EFNA5: variants seen among roughly 807,000 people sequenced by gnomAD.
EFNA5 encodes ephrin-A5.
In EFNA5, 5 loss-of-function variants were observed where a neutral mutation model predicts 22.9. The observed-to-expected ratio is 0.22, with a 90% CI of 0.11 to 0.46. The LOEUF is 0.46. EFNA5 is among the 20% of genes least tolerant of loss of function. EFNA5 has a pLI of 0.99. For missense variants in EFNA5, 237 were observed against 293.3 expected (o/e 0.81, Z 1.40); for synonymous variants, 113 against 112.2 (o/e 1.01, Z -0.04).
At chr5:107,538,960 T>G (rs1243243837) in intron 1 of EFNA5, among the ~76,000 whole-genome samples, 1 of 152,220 alleles carries the variant, frequency 6.6e-6, no homozygotes, top group East Asian at 1.9e-4. Flanking sequence ...AATTAACAAC[T>G]GCACACATGG....
rs549019359 is a variant in EFNA5, at chr5:107,420,887, T to C, written c.418+6330A>G. On this transcript the variant is annotated intron_variant, in intron 2 of 4. Coordinates refer to ENST00000333274, the MANE Select transcript of EFNA5 (RefSeq NM_001962.3). ...TTATGGCTAAGCAGATTATCCATAT[T>C]ATGGAAAACTTGCACTTCTACGAAA... Among the ~76,000 whole-genome samples, 11 of 152,312 alleles carry C rather than the reference T, an allele frequency of 7.2e-5. No homozygotes were observed. In the South Asian group the frequency reaches 1.4e-3, roughly 20 times the overall value.
intron 1 of EFNA5, among the ~76,000 whole-genome samples, chr5:107,459,388 AAAG>A (rs1047586579): frequency 5.3e-5 from 8 of 152,136 alleles, no homozygotes; most frequent in African/African-American, 1.9e-4. Context: ...AAAAAAAAAA[AAAG>A]AAATGTAGAA....
At chr5:107,641,883 C>T (rs1357253401) in intron 1 of EFNA5, among the ~76,000 whole-genome samples, 2 of 152,076 alleles carry the variant, frequency 1.3e-5, no homozygotes, top group African/African-American at 2.4e-5. Flanking sequence ...AGACAAAGAA[C>T]AGCTGTTTCC....
At chr5:107,611,253 A>G (rs573820084) in intron 1 of EFNA5, among the ~76,000 whole-genome samples, 1 of 152,326 alleles carries the variant, frequency 6.6e-6, no homozygotes, top group South Asian at 2.1e-4. Flanking sequence ...AGCTACAAAA[A>G]TCGTATCACA....
Position 107,618,449 on chromosome 5 carries a change from T to C in EFNA5, c.125+52040A>G, listed in dbSNP as rs182852013. 7.7e-4 allele frequency among the ~76,000 whole-genome samples: 118 copies of C among 152,310 alleles called. 1 individual carries two copies. The highest frequency in any genetic ancestry group is 3.4e-3 in the Middle Eastern group (1 of 294). ...CATGTCATATGATTCCTAGGGACTG[T>C]AGCTATATTCCTCAGGCCAGTAGAC... On this transcript the variant is annotated intron_variant, in intron 1 of 4. Coordinates refer to ENST00000333274, the MANE Select transcript of EFNA5 (RefSeq NM_001962.3).
rs539379080 is a variant in EFNA5, at chr5:107,511,273, G to T, written c.126-83764C>A. Among the ~76,000 whole-genome samples, 52 of 152,220 alleles carry T rather than the reference G, an allele frequency of 3.4e-4. 2 individuals are homozygous for T. In the East Asian group the frequency reaches 8.1e-3, roughly 24 times the overall value. On this transcript the variant is annotated intron_variant, in intron 1 of 4. Coordinates refer to ENST00000333274, the MANE Select transcript of EFNA5 (RefSeq NM_001962.3). ...ACTTCTGACCTCAGGTGATCAGCCC[G>T]CCTCGGCATCCCAAAGTGCTGGGAT... is the stretch of plus-strand genomic sequence containing the variant.
At chr5:107,595,138 A>AT (rs34577326) in intron 1 of EFNA5, among the ~76,000 whole-genome samples, 7 of 149,728 alleles carry the variant, frequency 4.7e-5, no homozygotes, top group South Asian at 2.1e-4. Context: ...CTTTGGTTTA[A>AT]TTTTTTTTTT....
chr5:107,616,970 T>G (rs916101843), intron 1 of EFNA5, among the ~76,000 whole-genome samples: 1 of 152,126 alleles, frequency 6.6e-6, no homozygotes, highest in Non-Finnish European at 1.5e-5. Context: ...CTGATTGTTA[T>G]GTCTAAGGGC....
At chr5:107,638,850 A>G (rs1339435326) in intron 1 of EFNA5, among the ~76,000 whole-genome samples, 2 of 152,126 alleles carry the variant, frequency 1.3e-5, no homozygotes, top group African/African-American at 4.8e-5. Flanking sequence ...ATACACACAC[A>G]AAAAAATAAG....
intron 4 of EFNA5, among the ~76,000 whole-genome samples, chr5:107,386,976 C>T (rs1033527966): frequency 2.0e-5 from 3 of 152,092 alleles, no homozygotes; most frequent in South Asian, 2.1e-4. Context: ...TTTAGCATTC[C>T]GATGGGGCTT....
intron 2 of EFNA5, among the ~76,000 whole-genome samples, chr5:107,401,809 G>A (rs1266793920): frequency 3.9e-5 from 6 of 152,174 alleles, no homozygotes; most frequent in African/African-American, 1.4e-4. Context: ...TCATTCGGGT[G>A]AAAAGATCAT....
At chr5:107,548,477 T>C (rs545778324) in intron 1 of EFNA5, among the ~76,000 whole-genome samples, 2 of 152,338 alleles carry the variant, frequency 1.3e-5, no homozygotes, top group Admixed American at 6.5e-5. Context: ...GCTGTAGATA[T>C]ACCTTCAGAT....
intron 1 of EFNA5, among the ~76,000 whole-genome samples, chr5:107,595,057 A>G (rs941402862): frequency 2.6e-5 from 4 of 152,294 alleles, no homozygotes; most frequent in South Asian, 4.1e-4. Flanking sequence ...AATATAGAAG[A>G]AGGAGGAAGT....
intron 1 of EFNA5, among the ~76,000 whole-genome samples, chr5:107,432,381 C>T (rs1294580722): frequency 6.6e-6 from 1 of 152,178 alleles, no homozygotes; most frequent in Non-Finnish European, 1.5e-5. Flanking sequence ...GTAACACAGC[C>T]ATTGCTTTAA....
chr5:107,412,765 C>T (rs1748404037), intron 2 of EFNA5, among the ~76,000 whole-genome samples: 1 of 152,160 alleles, frequency 6.6e-6, no homozygotes, highest in South Asian at 2.1e-4. Flanking sequence ...CACTGTAGAA[C>T]ACTCTAAATG....
intron 1 of EFNA5, among the ~76,000 whole-genome samples, chr5:107,502,687 C>T (rs1747162629): frequency 6.6e-6 from 1 of 152,166 alleles, no homozygotes; most frequent in African/African-American, 2.4e-5. Context: ...CTTCTAAATT[C>T]CTTTCCATCA....
chr5:107,643,013 T>A (rs899309819), intron 1 of EFNA5, among the ~76,000 whole-genome samples: 1 of 150,864 alleles, frequency 6.6e-6, no homozygotes, highest in Non-Finnish European at 1.5e-5. Flanking sequence ...CCTGATTGAG[T>A]CTCAGAACTA....
intron 1 of EFNA5, among the ~76,000 whole-genome samples, chr5:107,667,642 G>A (rs1186996188): frequency 6.6e-6 from 1 of 152,082 alleles, no homozygotes; most frequent in East Asian, 1.9e-4. Context: ...ATTATCATCA[G>A]TTTAACGTGC....
chr5:107,541,520 T>G (rs1345822607), intron 1 of EFNA5, among the ~76,000 whole-genome samples: 2 of 152,216 alleles, frequency 1.3e-5, no homozygotes, highest in African/African-American at 4.8e-5. Context: ...AGATTAGCAC[T>G]GATATAGTCA....
Sources: gnomAD v4.1 joint callset for allele counts (sites outside exome capture counted in the v4.1 genomes callset) on GRCh38, gnomAD v4.1.1 for gene constraint, MANE v1.5 for transcripts, NCBI Gene and HGNC (gene_info 2026-07-23, HGNC 2026-07-21) for gene names.